Variants in CABYR observed in about 807,000 individuals in gnomAD.
CABYR encodes calcium binding tyrosine phosphorylation regulated, also known as calcium-binding tyrosine phosphorylation-regulated protein.
A neutral mutation model predicts 36.1 loss-of-function variants in CABYR; 31 were observed. The observed-to-expected ratio is 0.86, with a 90% CI of 0.64 to 1.16. CABYR has a LOEUF of 1.16. Ranked by LOEUF, CABYR falls within the 50% of genes most tolerant of loss-of-function variation. CABYR has a pLI of 0.00. For missense variants in CABYR, 429 were observed against 455.8 expected (o/e 0.94, Z 0.53); for synonymous variants, 146 against 160.7 (o/e 0.91, Z 0.69).
At chr18:24,149,479 G>A (rs2085554435) in intron 3 of CABYR, among the ~76,000 whole-genome samples, 2 of 152,234 alleles carry the variant, frequency 1.3e-5, no homozygotes, top group South Asian at 4.1e-4. Flanking sequence ...CAGGAGTCCA[G>A]CTGGCTTCAC....
At chr18:24,152,920 T>A (rs914801700) in intron 3 of CABYR, 2 of 151,918 alleles carry the variant, frequency 1.3e-5, no homozygotes, top group African/African-American at 4.8e-5. Context: ...TGGTTAGGAG[T>A]TGGACTTGGG....
chr18:24,159,445 T>A (rs769642763), intron 4 of CABYR, 27 bp from the exon 5 acceptor site: 19 of 1,575,518 alleles, frequency 1.2e-5, no homozygotes, highest in Non-Finnish European at 1.5e-5. Context: ...ACCAAAACTT[T>A]AATTCCTGCA....
chr18:24,155,323 G>A (rs773491099), intron 3 of CABYR, among the ~76,000 whole-genome samples: 4 of 152,142 alleles, frequency 2.6e-5, no homozygotes, highest in East Asian at 3.9e-4. Context: ...TTGCTACTGC[G>A]CTATTAAGTG....
At chr18:24,156,751 T>G in intron 4 of CABYR, 1 of 1,614,214 alleles carries the variant, frequency 6.2e-7, no homozygotes, top group Non-Finnish European at 8.5e-7. Flanking sequence ...GAAAAATCTC[T>G]GCACCTTGAA....
chr18:24,156,519 C>T lies in CABYR; in HGVS notation c.541+477C>T, dbSNP rs369655712. ...GCAGTCAAAAGAAAATGAGCAGTCA[C>T]CACGAGTTAGTCCCAAATCTGTAGT... On this transcript the variant is annotated intron_variant, in intron 4 of 5. Coordinates refer to ENST00000399496, the MANE Select transcript of CABYR (RefSeq NM_153769.3). 5.2e-5 allele frequency: 84 copies of T among 1,613,998 alleles called. No homozygotes were observed. Among genetic ancestry groups the T allele is most frequent in the Non-Finnish European group, 6.9e-5 (82 of 1,180,022 alleles).
chr18:24,156,517 C>T (rs779642449), intron 4 of CABYR: 20 of 1,614,076 alleles, frequency 1.2e-5, no homozygotes, highest in African/African-American at 2.7e-5. Context: ...AATGAGCAGT[C>T]ACCACGAGTT....
Position 24,143,134 on chromosome 18 carries a change from G to A in CABYR, c.20G>A (p.Arg7Lys). The change falls in exon 2 of 6, where the codon AGA becomes AAA. Residue 7 changes from arginine to lysine, a missense_variant. Arg to Lys is a conservative substitution (Grantham distance 26). Coordinates refer to ENST00000399496, the MANE Select transcript of CABYR (RefSeq NM_153769.3). MISSKP[R>K]LVVPYGLKTL... ...GCCAAAATGATTTCTTCAAAGCCCAGACTTGTCGTACCCTATGGCCTCAAG... is the reference window on the plus strand; with the variant it reads ...GCCAAAATGATTTCTTCAAAGCCCAAACTTGTCGTACCCTATGGCCTCAAG... 1 of 1,610,080 alleles carries A rather than the reference G, an allele frequency of 6.2e-7. No individual in the cohort carries two copies.
At chr18:24,140,957 T>C (rs1392876228) in intron 1 of CABYR, among the ~76,000 whole-genome samples, 2 of 152,200 alleles carry the variant, frequency 1.3e-5, no homozygotes, top group Non-Finnish European at 2.9e-5. Flanking sequence ...TGATAGACGC[T>C]TAGGTTGCTT....
intron 3 of CABYR, 34 bp downstream of exon 3, chr18:24,143,447 G>T: frequency 1.6e-6 from 2 of 1,232,032 alleles, no homozygotes; most frequent in Non-Finnish European, 1.1e-6. Flanking sequence ...TTTTAATAAT[G>T]ATGTTTATTA....
rs2085764127 is a variant in CABYR at position 24,155,778 on chromosome 18, T to C, written c.277T>C (p.Ser93Pro). The change falls in exon 4 of 6, where the codon TCT becomes CCT. Residue 93 changes from serine (S) to proline (P), a missense_variant. By Grantham distance (74) the Ser-to-Pro change is moderately conservative (BLOSUM62 -1). Coordinates refer to ENST00000399496, the MANE Select transcript of CABYR (RefSeq NM_153769.3). ...LKEPGKTSVE[S>P]KVPTQMEKST... ...AGAACCAGGAAAAACATCTGTAGAA[T>C]CTAAAGTACCTACCCAGATGGAAAA... 3 of 1,613,936 alleles carry C rather than the reference T, an allele frequency of 1.9e-6. No homozygotes were observed. The highest frequency in any genetic ancestry group is 1.3e-5 in the African/African-American group (1 of 74,924).
At chr18:24,144,799 T>C (rs1422107946) in intron 3 of CABYR, among the ~76,000 whole-genome samples, 1 of 152,192 alleles carries the variant, frequency 6.6e-6, no homozygotes, top group Non-Finnish European at 1.5e-5. Flanking sequence ...CAAAAGACTT[T>C]TAAACTAGAA....
At chr18:24,157,790 A>G (rs1052718603) in intron 4 of CABYR, among the ~76,000 whole-genome samples, 15 of 152,170 alleles carry the variant, frequency 9.9e-5, no homozygotes, top group African/African-American at 3.6e-4. Context: ...CCATCTAATT[A>G]TGGCATTTGG....
At chr18:24,146,429 G>T (rs2145859220) in intron 3 of CABYR, among the ~76,000 whole-genome samples, 1 of 152,198 alleles carries the variant, frequency 6.6e-6, no homozygotes, top group Admixed American at 6.5e-5. Flanking sequence ...TCCACCTGTA[G>T]TCTCAGCTAC....
chr18:24,143,146 C>T lies in CABYR; in HGVS notation c.32C>T (p.Pro11Leu). ...TCTTCAAAGCCCAGACTTGTCGTACCCTATGGCCTCAAGACTCTGCTCGAG... is the reference window on the plus strand; with the variant it reads ...TCTTCAAAGCCCAGACTTGTCGTACTCTATGGCCTCAAGACTCTGCTCGAG... MISSKPRLVV[P>L]YGLKTLLEGI... is the part of the protein sequence containing the mutation. Residue 11 changes from proline to leucine, a missense_variant, in exon 2 of 6, where the codon CCC (proline) becomes CTC (leucine). Coordinates refer to ENST00000399496, the MANE Select transcript of CABYR (RefSeq NM_153769.3). The T allele has an allele frequency of 6.2e-7, 1 of 1,613,274 alleles. No homozygotes were observed.
At chr18:24,150,873 G>A (rs189189740) in intron 3 of CABYR, among the ~76,000 whole-genome samples, 1,977 of 150,932 alleles carry the variant, frequency 0.013, 48 homozygotes, top group African/African-American at 0.046. Flanking sequence ...TCCGCCTCCC[G>A]GGTTCACGCC....
chr18:24,159,803 T>C lies in CABYR; in HGVS notation c.873T>C (p.Val291=). The change falls in exon 5 of 6, where the codon GTT becomes GTC. Residue 291 remains valine (V), a synonymous_variant. Coordinates refer to ENST00000399496, the MANE Select transcript of CABYR (RefSeq NM_153769.3). ...VVSQSDVLRY[V]AMQVPIAVPA... is the part of the protein sequence containing the mutation. The stretch of plus-strand genomic sequence containing the variant: ...CACAGTCAGATGTCTTGAGATATGT[T>C]GCAATGCAAGTGCCCATTGCTGTTC... 1 of 1,614,172 alleles carries C rather than the reference T, an allele frequency of 6.2e-7. No homozygotes were observed. The highest frequency in any genetic ancestry group is 8.5e-7 in the Non-Finnish European group (1 of 1,180,014).
At chr18:24,151,472 GACATAATCTCAAGGTTACA>G (rs926306219) in intron 3 of CABYR, among the ~76,000 whole-genome samples, 1 of 152,096 alleles carries the variant, frequency 6.6e-6, no homozygotes, top group Non-Finnish European at 1.5e-5. Flanking sequence ...TTATACAACC[GACATAATCTCAAGGTTACA>G]AGTCAGCGAC....
chr18:24,139,269 G>A (rs972602490), intron 1 of CABYR, among the ~76,000 whole-genome samples, 151 bp downstream of exon 1: 1 of 152,118 alleles, frequency 6.6e-6, no homozygotes, highest in South Asian at 2.1e-4. Context: ...GGCCCACACC[G>A]GGGAGTGCGG....
intron 3 of CABYR, among the ~76,000 whole-genome samples, chr18:24,145,614 C>T (rs1239613736): frequency 6.6e-6 from 1 of 152,146 alleles, no homozygotes; most frequent in African/African-American, 2.4e-5. Flanking sequence ...TGTCCAACTC[C>T]TAAGCTCCTC....
Sources: allele counts gnomAD v4.1 joint callset (sites outside exome capture counted in the v4.1 genomes callset), GRCh38; gene constraint gnomAD v4.1.1; transcripts MANE v1.5; gene names NCBI Gene and HGNC (gene_info 2026-07-23, HGNC 2026-07-21).